The following CDC42BPA variants were observed in gnomAD, a reference collection of about 807,000 sequenced individuals.
CDC42BPA encodes CDC42 binding protein kinase alpha, also known as serine/threonine-protein kinase MRCK alpha.
CDC42BPA carries 80 observed loss-of-function variants against 223.5 expected under a neutral mutation model. The ratio of observed to expected loss-of-function variants is 0.36; its 90% CI spans 0.30 to 0.43. The LOEUF (loss-of-function observed/expected upper bound fraction) is 0.43, where lower values mean the gene tolerates loss of function less well. CDC42BPA is among the 20% of genes least tolerant of loss of function. CDC42BPA has a pLI of 1.00. For synonymous variants in CDC42BPA, 694 were observed against 718.6 expected (o/e 0.97, Z 0.55); for missense variants, 1,743 against 2,099.9 (o/e 0.83, Z 3.32).
rs1388764129 is a variant in CDC42BPA at position 227,245,482 on chromosome 1, G to A, written c.270+8582C>T. On this transcript the variant is annotated intron_variant, in intron 2 of 36. Coordinates refer to ENST00000366766, the MANE Select transcript of CDC42BPA (RefSeq NM_001394014.1). ...ATTTTTGTATTTGTAGTAGAGACAG[G>A]GTTTCACCATGTTGGCCAGGCTGGT... 5.3e-5 allele frequency among the ~76,000 whole-genome samples: 8 copies of A among 151,990 alleles called. No homozygotes were observed. The South Asian group carries it at 1.7e-3, about 32-fold the overall frequency.
chr1:227,250,578 G>A (rs1176318456), intron 2 of CDC42BPA, among the ~76,000 whole-genome samples: 1 of 151,948 alleles, frequency 6.6e-6, no homozygotes, highest in African/African-American at 2.4e-5. Flanking sequence ...CTAAAAAAAT[G>A]TAAAAATCCA....
At position 226,994,095 on chromosome 1, in the gene CDC42BPA, T is replaced by C; in HGVS notation, c.*173A>G. On this transcript the variant is annotated 3_prime_UTR_variant, in exon 37 of 37. Transcript: ENST00000366766. The surrounding 1 kb of genome is among the most constrained non-coding windows in gnomAD (Gnocchi z 4.0). ...TCTGTCTTTGTTGTTGCTGTTAGGC[T>C]GGGGGCGTGGATCTGAGAGTCGTGT... 3.5e-6 allele frequency: 2 copies of C among 568,784 alleles called. No homozygotes were observed. The highest frequency in any genetic ancestry group is 1.9e-5 in the African/African-American group (1 of 52,212). The allele number at this position is 568,784 out of a possible 1,614,324, so 35.2% of individuals were successfully genotyped here.
chr1:227,016,901 G>A, intron 33 of CDC42BPA, 26 bp downstream of exon 33: 1 of 1,598,636 alleles, frequency 6.3e-7, no homozygotes, highest in Non-Finnish European at 8.5e-7. Context: ...AGCAAGCATG[G>A]ATGATACTAC....
At chr1:227,124,223 A>G (rs1474350628) in intron 11 of CDC42BPA, among the ~76,000 whole-genome samples, 1 of 152,116 alleles carries the variant, frequency 6.6e-6, no homozygotes, top group East Asian at 1.9e-4. Context: ...AGAAGTTGTC[A>G]ATAATTATAA....
intron 9 of CDC42BPA, among the ~76,000 whole-genome samples, chr1:227,141,016 G>A (rs1389891336): frequency 6.6e-6 from 1 of 152,220 alleles, no homozygotes; most frequent in African/African-American, 2.4e-5. Context: ...GAGAAACTCA[G>A]TCAAGTGCCC....
At chr1:227,305,542 AC>A (rs1365432485) in intron 1 of CDC42BPA, among the ~76,000 whole-genome samples, 1 of 152,158 alleles carries the variant, frequency 6.6e-6, no homozygotes, top group Non-Finnish European at 1.5e-5. Flanking sequence ...GTCCTCTCAT[AC>A]CTTTAGATGT....
Position 226,991,976 on chromosome 1 carries a change from G to C in CDC42BPA, c.*2292C>G, listed in dbSNP as rs1660794197. ...AGGAGGATGGGGAGGGTGGGGATGG[G>C]GAGGGTGGGAAGAGTGAGGAGGAGA... On this transcript the variant is annotated 3_prime_UTR_variant, in exon 37 of 37. Coordinates refer to ENST00000366766, the MANE Select transcript of CDC42BPA (RefSeq NM_001394014.1). 1 of 141,744 alleles carries C rather than the reference G, an allele frequency of 7.1e-6. No homozygotes were observed. The highest frequency in any genetic ancestry group is 2.1e-4 in the East Asian group (1 of 4,690). The allele number at this position is 141,744 out of a possible 1,614,324, so 8.8% of individuals were successfully genotyped here.
At chr1:227,284,712 G>A (rs1227699573) in intron 1 of CDC42BPA, among the ~76,000 whole-genome samples, 1 of 152,140 alleles carries the variant, frequency 6.6e-6, no homozygotes, top group Non-Finnish European at 1.5e-5. Flanking sequence ...TGTAATCCCA[G>A]CATGTTGGGA....
intron 2 of CDC42BPA, among the ~76,000 whole-genome samples, chr1:227,246,212 C>T (rs1399446171): frequency 6.6e-6 from 1 of 152,234 alleles, no homozygotes; most frequent in African/African-American, 2.4e-5. Context: ...GAGAGACGCT[C>T]CTCCTCTGCA....
Position 227,069,193 on chromosome 1 carries a change from T to C in CDC42BPA, c.2904+584A>G, listed in dbSNP as rs192257591. On this transcript the variant is annotated intron_variant, in intron 21 of 36. Transcript: ENST00000366766. ...AATAAAGATATAATCACACTTAAAT[T>C]TACTGAGACAAAAATATACTTGATA... 206 of 152,228 alleles carry C rather than the reference T, an allele frequency of 1.4e-3. 1 individual carries two copies. Among genetic ancestry groups the C allele is most frequent in the Non-Finnish European group, 2.3e-3 (157 of 67,964 alleles). The allele number at this position is 152,228 out of a possible 1,614,324, so 9.4% of individuals were successfully genotyped here.
chr1:227,158,212 GGCCTCCCAAAGT>G (rs1334201265), intron 6 of CDC42BPA, among the ~76,000 whole-genome samples: 4 of 151,948 alleles, frequency 2.6e-5, no homozygotes, highest in Non-Finnish European at 4.4e-5. Context: ...CACCCTCTTT[GGCCTCCCAAAGT>G]GCCGGGATTA....
At chr1:227,058,223 G>T (rs1230931516) in intron 21 of CDC42BPA, among the ~76,000 whole-genome samples, 1 of 152,088 alleles carries the variant, frequency 6.6e-6, no homozygotes, top group South Asian at 2.1e-4. Flanking sequence ...CATAGTACAG[G>T]TATCTGAAAT....
chr1:227,080,804 A>C (rs1377368068), intron 17 of CDC42BPA, 89 bp downstream of exon 17: 1 of 1,424,960 alleles, frequency 7.0e-7, no homozygotes, highest in African/African-American at 1.4e-5. Context: ...AATGAGATAA[A>C]AACCATTATT....
chr1:227,168,421 C>T (rs1183859722), intron 5 of CDC42BPA, among the ~76,000 whole-genome samples: 1 of 150,568 alleles, frequency 6.6e-6, no homozygotes, highest in East Asian at 1.9e-4. Context: ...CCAAAATTTG[C>T]TCTCTGTCTT....
intron 6 of CDC42BPA, among the ~76,000 whole-genome samples, chr1:227,155,440 CACAGGATCCAGGAA>C (rs1431406309): frequency 2.0e-5 from 3 of 152,132 alleles, no homozygotes; most frequent in Non-Finnish European, 2.9e-5. Context: ...GCTATCACCA[CACAGGATCCAGGAA>C]ACAGAGTCCA....
At chr1:227,284,299 A>G (rs1016307986) in intron 1 of CDC42BPA, among the ~76,000 whole-genome samples, 2 of 152,212 alleles carry the variant, frequency 1.3e-5, no homozygotes, top group African/African-American at 4.8e-5. Flanking sequence ...GAAAAGCTGA[A>G]CTTAAAGCAA....
intron 1 of CDC42BPA, among the ~76,000 whole-genome samples, chr1:227,256,948 G>GACACACACACAC (rs55961981): frequency 0.015 from 2,095 of 141,064 alleles, 16 homozygotes; most frequent in East Asian, 0.027. Flanking sequence ...TATATATACA[G>GACACACACACAC]ACACACACAC....
intron 24 of CDC42BPA, among the ~76,000 whole-genome samples, chr1:227,039,722 A>C (rs1007124554): frequency 6.6e-6 from 1 of 152,162 alleles, no homozygotes; most frequent in Non-Finnish European, 1.5e-5. Flanking sequence ...GAAAAAAAAA[A>C]ACCTCTGCTA....
intron 5 of CDC42BPA, among the ~76,000 whole-genome samples, chr1:227,181,141 T>C (rs1335075528): frequency 6.6e-6 from 1 of 152,198 alleles, no homozygotes; most frequent in African/African-American, 2.4e-5. Flanking sequence ...ATTCAAACTT[T>C]CAGCTGAAAT....
Sources: allele counts gnomAD v4.1 joint callset (sites outside exome capture counted in the v4.1 genomes callset), GRCh38; gene constraint gnomAD v4.1.1; non-coding constraint Gnocchi (gnomAD v3.1); transcripts MANE v1.5; gene names NCBI Gene and HGNC (gene_info 2026-07-23, HGNC 2026-07-21).